PTGER3: variants seen among roughly 807,000 people sequenced by gnomAD.
PTGER3 encodes the protein prostaglandin E2 receptor EP3 subtype.
Under a neutral mutation model 34.7 loss-of-function variants are expected in PTGER3, and 22 were observed. The ratio of observed to expected loss-of-function variants is 0.63; its 90% confidence interval spans 0.45 to 0.91. The LOEUF is 0.91. Among genes scored for constraint, PTGER3 ranks in the 40% least tolerant of loss-of-function variants. The pLI is 0.00. For synonymous variants in PTGER3, 241 were observed against 230.1 expected, an observed-to-expected ratio of 1.05 and a Z score of -0.43; for missense variants, 468 against 519.4, an observed-to-expected ratio of 0.90 and a Z score of 0.96.
At chr1:70,949,032 A>C (rs115617416), downstream of PTGER3, among the ~76,000 whole-genome samples, 3,481 of 152,306 alleles carry the variant, frequency 0.023, 73 homozygotes, top group Middle Eastern at 0.041. Context: ...TTTTATTCAC[A>C]GAGCTCCTCC....
intron 4 of PTGER3, among the ~76,000 whole-genome samples, chr1:70,907,010 A>G (rs1646962965): frequency 6.6e-6 from 1 of 152,236 alleles, no homozygotes; most frequent in East Asian, 1.9e-4. Flanking sequence ...TCAGTGCCTC[A>G]GGGAAGTGCC....
rs138248080 is a variant in PTGER3, at chr1:71,005,111, G to A, written c.1077+7194C>T. 4.3e-3 allele frequency among the ~76,000 whole-genome samples: 659 copies of A among 152,338 alleles called. 6 individuals are homozygous for A. Among genetic ancestry groups the A allele is most frequent in the African/African-American group, 0.015 (635 of 41,570 alleles). On this transcript the variant is annotated intron_variant, in intron 2 of 3. Coordinates refer to ENST00000306666, the MANE Select transcript of PTGER3 (RefSeq NM_198719.2). ...CAGAGAGGTATTGCTGGCATCTCAT[G>A]AGTAGAAGTCAGGGACATTGGGAAA...
At chr1:71,011,488 A>T in intron 2 of PTGER3, 1 of 985,368 alleles carries the variant, frequency 1.0e-6, no homozygotes, top group Non-Finnish European at 1.2e-6. Flanking sequence ...CTCATAGGTC[A>T]GTTTCATGAA....
chr1:70,879,044 G>T (rs1369195497), intron 4 of PTGER3, among the ~76,000 whole-genome samples: 1 of 152,114 alleles, frequency 6.6e-6, no homozygotes, highest in East Asian at 1.9e-4. Flanking sequence ...TTGCCTCAAT[G>T]ATATGGTTAA....
chr1:70,862,104 G>A (rs1645940044), intron 4 of PTGER3, among the ~76,000 whole-genome samples: 1 of 151,962 alleles, frequency 6.6e-6, no homozygotes. Context: ...GCCAGGGTGG[G>A]CCTGGTAAGA....
At chr1:70,995,717 A>T (rs1056519953) in intron 2 of PTGER3, among the ~76,000 whole-genome samples, 1 of 152,170 alleles carries the variant, frequency 6.6e-6, no homozygotes, top group African/African-American at 2.4e-5. Context: ...ATTTGATCAA[A>T]TAAAACTACA....
At chr1:70,956,281 A>G (rs1651324502) in intron 2 of PTGER3, among the ~76,000 whole-genome samples, 1 of 152,216 alleles carries the variant, frequency 6.6e-6, no homozygotes, top group Non-Finnish European at 1.5e-5. Flanking sequence ...GTACCAGATT[A>G]GTATCAGCCA....
At chr1:71,046,572 G>T in intron 1 of PTGER3, 109 bp downstream of exon 1, 1 of 1,328,480 alleles carries the variant, frequency 7.5e-7, no homozygotes, top group Non-Finnish European at 1.0e-6. Context: ...ACACTTCAGC[G>T]CTCTGCGGTT....
intron 1 of PTGER3, among the ~76,000 whole-genome samples, chr1:71,025,174 T>A (rs527245734): frequency 6.0e-5 from 7 of 117,572 alleles, no homozygotes; most frequent in Admixed American, 2.5e-4. Context: ...CTTTCCTTCC[T>A]TTTTTTCCTT....
chr1:70,862,505 G>C (rs1645949186), intron 4 of PTGER3: 1 of 603,806 alleles, frequency 1.7e-6, no homozygotes, highest in Non-Finnish European at 2.9e-6. Flanking sequence ...TGAACTATAG[G>C]GAATTAAGGG....
At chr1:70,979,819 G>T (rs1016534990) in intron 2 of PTGER3, among the ~76,000 whole-genome samples, 1 of 152,098 alleles carries the variant, frequency 6.6e-6, no homozygotes, top group Admixed American at 6.5e-5. Flanking sequence ...AGTTTTTACA[G>T]CCTCACTATC....
chr1:70,863,202 AT>A (rs1260694495), intron 4 of PTGER3, among the ~76,000 whole-genome samples: 1 of 151,886 alleles, frequency 6.6e-6, no homozygotes, highest in Non-Finnish European at 1.5e-5. Flanking sequence ...ATGCTCTCCC[AT>A]GTTCGTCTTT....
At chr1:70,852,981 T>A (rs1292034561) in intron 4 of PTGER3, 4 of 1,125,438 alleles carry the variant, frequency 3.6e-6, no homozygotes, top group Admixed American at 1.9e-5. Context: ...GGTAAATCAC[T>A]TACAGCAGTA....
At chr1:70,995,040 C>T (rs968959340) in intron 2 of PTGER3, among the ~76,000 whole-genome samples, 8 of 151,874 alleles carry the variant, frequency 5.3e-5, no homozygotes, top group African/African-American at 1.9e-4. Context: ...ATAAGTAGAG[C>T]AGTGAGAAGT....
chr1:71,012,813 A>C (rs1657560171), intron 1 of PTGER3, among the ~76,000 whole-genome samples: 1 of 152,188 alleles, frequency 6.6e-6, no homozygotes, highest in Non-Finnish European at 1.5e-5. Flanking sequence ...CCACAAGTTC[A>C]CCCAAATGAG....
At chr1:70,998,879 C>A (rs1656219614) in intron 2 of PTGER3, among the ~76,000 whole-genome samples, 1 of 152,026 alleles carries the variant, frequency 6.6e-6, no homozygotes, top group South Asian at 2.1e-4. Flanking sequence ...GGATAAGTAC[C>A]ATATTTAAAA....
chr1:70,960,010 C>T (rs1651763701), intron 2 of PTGER3, among the ~76,000 whole-genome samples: 1 of 152,116 alleles, frequency 6.6e-6, no homozygotes, highest in Non-Finnish European at 1.5e-5. Context: ...TGGGAACACA[C>T]ACATTCAGGG....
At chr1:70,900,170 G>A (rs1646805960) in intron 4 of PTGER3, among the ~76,000 whole-genome samples, 1 of 152,006 alleles carries the variant, frequency 6.6e-6, no homozygotes, top group Admixed American at 6.6e-5. Context: ...CTTTATTTTT[G>A]TCTTATTTTA....
At chr1:70,927,681 A>G (rs886083884) in intron 4 of PTGER3, among the ~76,000 whole-genome samples, 4 of 152,156 alleles carry the variant, frequency 2.6e-5, no homozygotes, top group Admixed American at 1.3e-4. Flanking sequence ...CATATCAAGT[A>G]AAAAAGGAGA....
Sources: gnomAD v4.1 joint callset for allele counts (sites outside exome capture counted in the v4.1 genomes callset) on GRCh38, gnomAD v4.1.1 for gene constraint, MANE v1.5 for transcripts, NCBI Gene and HGNC (gene_info 2026-07-23, HGNC 2026-07-21) for gene names.